Variants in LHX8 observed in about 807,000 individuals in gnomAD.
LHX8 encodes LIM homeobox 8.
LHX8 carries 12 observed loss-of-function variants against 40.3 expected under a neutral mutation model. The ratio of observed to expected loss-of-function variants is 0.30; its 90% CI spans 0.19 to 0.48. LHX8 has a LOEUF of 0.48. Among genes scored for constraint, LHX8 ranks in the 20% least tolerant of loss-of-function variants. LHX8 has a pLI of 0.99. For missense variants in LHX8, 344 were observed against 433.7 expected (o/e 0.79, Z 1.84); for synonymous variants, 179 against 162.0 (o/e 1.10, Z -0.80).
At chr1:75,139,125 G>A (rs879561230) in intron 3 of LHX8, among the ~76,000 whole-genome samples, 1 of 152,088 alleles carries the variant, frequency 6.6e-6, no homozygotes, top group African/African-American at 2.4e-5. Context: ...TATCTTGTGA[G>A]GCAAATAAAA....
chr1:75,163,018 CTTT>C (rs11379344), downstream of LHX8, among the ~76,000 whole-genome samples: 3 of 143,736 alleles, frequency 2.1e-5, no homozygotes, highest in South Asian at 4.4e-4. Context: ...GGTAGGATAC[CTTT>C]TTTTTTTTTT....
chr1:75,136,166 A>C (rs1177717085), intron 1 of LHX8, among the ~76,000 whole-genome samples: 2 of 150,470 alleles, frequency 1.3e-5, no homozygotes, highest in East Asian at 2.0e-4. Context: ...TTCTTCTCCC[A>C]CCCCCTCCTC....
At chr1:75,172,252 A>C in the LHX8 span, among the ~76,000 whole-genome samples, 5 of 152,216 alleles carry the variant, frequency 3.3e-5, no homozygotes, top group African/African-American at 1.2e-4. Context: ...CCACTATACC[A>C]GTCCTGAGAT....
chr1:75,185,542 C>G, the LHX8 span, among the ~76,000 whole-genome samples: 1 of 151,136 alleles, frequency 6.6e-6, no homozygotes, highest in Non-Finnish European at 1.5e-5. Context: ...AGGGAACATA[C>G]CTCAAAATAA....
intron 7 of LHX8, among the ~76,000 whole-genome samples, chr1:75,150,514 G>A (rs1367010866): frequency 1.3e-5 from 2 of 152,102 alleles, no homozygotes; most frequent in African/African-American, 4.8e-5. Flanking sequence ...GAGGAGAGCA[G>A]GGTAAGAGGT....
At chr1:75,167,496 A>C in the LHX8 span, among the ~76,000 whole-genome samples, 1 of 152,120 alleles carries the variant, frequency 6.6e-6, no homozygotes, top group Non-Finnish European at 1.5e-5. Context: ...TTTCCTGACT[A>C]ACAATTCCTC....
At chr1:75,167,857 A>G in the LHX8 span, among the ~76,000 whole-genome samples, 7 of 152,172 alleles carry the variant, frequency 4.6e-5, no homozygotes, top group Admixed American at 1.3e-4. Context: ...TCTGCCTCAG[A>G]TGGAACTGTT....
chr1:75,163,457 A>G (rs1006045325), downstream of LHX8, among the ~76,000 whole-genome samples: 33 of 152,216 alleles, frequency 2.2e-4, no homozygotes, highest in Middle Eastern at 3.2e-3. Context: ...GTTGCAATAC[A>G]CTAAGTACCA....
the LHX8 span, among the ~76,000 whole-genome samples, chr1:75,193,542 C>T: frequency 6.6e-6 from 1 of 152,172 alleles, no homozygotes; most frequent in Non-Finnish European, 1.5e-5. Flanking sequence ...ATGAGAGCCC[C>T]AGAATCCAGA....
the LHX8 span, among the ~76,000 whole-genome samples, chr1:75,174,422 A>G: frequency 6.6e-6 from 1 of 152,116 alleles, no homozygotes; most frequent in African/African-American, 2.4e-5. Flanking sequence ...GTCCCTCCCT[A>G]CACCTGTAAT....
chr1:75,154,169 CTTGATTCTGAAGCTGGG>C (rs1405746217), intron 7 of LHX8, among the ~76,000 whole-genome samples: 1 of 152,132 alleles, frequency 6.6e-6, no homozygotes, highest in Non-Finnish European at 1.5e-5. Context: ...AGGACTTATA[CTTGATTCTGAAGCTGGG>C]TAGCATTCAT....
chr1:75,138,082 A>G (rs1437070496), intron 3 of LHX8, among the ~76,000 whole-genome samples: 1 of 152,168 alleles, frequency 6.6e-6, no homozygotes, highest in East Asian at 1.9e-4. Flanking sequence ...CTCTTAAAAT[A>G]TTGTGGGGGA....
At chr1:75,138,932 T>C (rs1648229618) in intron 3 of LHX8, among the ~76,000 whole-genome samples, 1 of 152,164 alleles carries the variant, frequency 6.6e-6, no homozygotes, top group Admixed American at 6.5e-5. Context: ...TTCTTTAGTG[T>C]GTAATTTCTA....
At chr1:75,136,579 CT>C (rs2100330476) in intron 1 of LHX8, 23 bp from the exon 2 acceptor site, 2 of 1,511,256 alleles carry the variant, frequency 1.3e-6, no homozygotes, top group East Asian at 4.9e-5. Flanking sequence ...TTTCTCCATA[CT>C]TTCTCCCCCT....
upstream of LHX8, among the ~76,000 whole-genome samples, chr1:75,134,039 C>A (rs2100326094): frequency 6.6e-6 from 1 of 152,206 alleles, no homozygotes; most frequent in East Asian, 1.9e-4. Flanking sequence ...CAGACCTCCA[C>A]TTCCCCTTCT....
intron 6 of LHX8, among the ~76,000 whole-genome samples, chr1:75,145,172 T>C (rs1557489651): frequency 2.6e-5 from 4 of 152,156 alleles, no homozygotes; most frequent in Admixed American, 6.5e-5. Flanking sequence ...GAAATATCTC[T>C]GTTTGAGCCT....
chr1:75,185,268 C>G, the LHX8 span, among the ~76,000 whole-genome samples: 31 of 152,010 alleles, frequency 2.0e-4, no homozygotes, highest in Non-Finnish European at 3.2e-4. Flanking sequence ...CAACATCACC[C>G]TGATACCAAA....
At chr1:75,164,065 G>C (rs933014778), downstream of LHX8, among the ~76,000 whole-genome samples, 9 of 152,144 alleles carry the variant, frequency 5.9e-5, no homozygotes, top group African/African-American at 2.2e-4. Context: ...TGTTATAGCA[G>C]CCTGAATGGA....
intron 7 of LHX8, among the ~76,000 whole-genome samples, chr1:75,156,501 C>CA (rs1263665684): frequency 6.6e-6 from 1 of 152,126 alleles, no homozygotes; most frequent in East Asian, 1.9e-4. Flanking sequence ...CTCAGCCTCC[C>CA]AAAGTGCTGG....
Sources: gnomAD v4.1 joint callset for allele counts (sites outside exome capture counted in the v4.1 genomes callset) on GRCh38, gnomAD v4.1.1 for gene constraint, MANE v1.5 for transcripts, NCBI Gene and HGNC (gene_info 2026-07-23, HGNC 2026-07-21) for gene names.